Variants in KIF5B observed in about 807,000 individuals in gnomAD.
KIF5B encodes the protein kinesin family member 5B, also known as kinesin-1 heavy chain.
A neutral mutation model predicts 132.8 loss-of-function variants in KIF5B; 49 were observed. That is an observed-to-expected ratio of 0.37 (90% CI 0.29 to 0.47). The LOEUF (loss-of-function observed/expected upper bound fraction) is 0.47, where lower values mean the gene tolerates loss of function less well. Ranked by LOEUF, KIF5B falls within the 20% of genes least tolerant of loss-of-function variation. The probability of loss-of-function intolerance (pLI) is 1.00; values close to 1 mark genes in which losing one functional copy is unlikely to be tolerated. For missense variants in KIF5B, 780 were observed against 1,144.0 expected, an observed-to-expected ratio of 0.68 and a Z score of 4.59; for synonymous variants, 355 against 369.4, an observed-to-expected ratio of 0.96 and a Z score of 0.45.
rs1426389109 is a variant in KIF5B at position 32,018,308 on chromosome 10, T to C, written c.2439+8A>G. 5.3e-6 allele frequency: 8 copies of C among 1,502,728 alleles called. No individual in the cohort carries two copies. Among genetic ancestry groups the C allele is most frequent in the Non-Finnish European group, 8.9e-7 (1 of 1,127,134 alleles). The allele number at this position is 1,502,728 out of a possible 1,614,324, so 93.1% of individuals were successfully genotyped here. On this transcript the variant is annotated splice_region_variant and intron_variant, in intron 22 of 25. Transcript: ENST00000302418. ...ATGCAAACGCCTACCTCGGCATAGT[T>C]ACATTACCTTTTTAACTCTTGTAGC... is the stretch of plus-strand genomic sequence containing the variant.
chr10:32,047,003 A>G (rs1220011785), intron 2 of KIF5B, among the ~76,000 whole-genome samples: 2 of 152,212 alleles, frequency 1.3e-5, no homozygotes, highest in East Asian at 3.8e-4. Context: ...CACAAAGCCT[A>G]TTTTATAATA....
At chr10:32,049,505 G>C (rs1841660911) in intron 1 of KIF5B, among the ~76,000 whole-genome samples, 1 of 152,208 alleles carries the variant, frequency 6.6e-6, no homozygotes, top group Non-Finnish European at 1.5e-5. Context: ...GATACTTAAA[G>C]ATCCTAAGGC....
intron 2 of KIF5B, among the ~76,000 whole-genome samples, chr10:32,047,468 GGCCCTTAATACT>G (rs1841628601): frequency 6.6e-6 from 1 of 152,042 alleles, no homozygotes; most frequent in African/African-American, 2.4e-5. Flanking sequence ...ACCTTGAGTG[GGCCCTTAATACT>G]GCCTGGCAAT....
intron 16 of KIF5B, among the ~76,000 whole-genome samples, 168 bp from the exon 17 acceptor site, chr10:32,022,425 T>C (rs1176842903): frequency 3.3e-5 from 5 of 152,246 alleles, no homozygotes; most frequent in Admixed American, 6.5e-5. Context: ...AATTAATTCA[T>C]TGGTGATCAT....
chr10:32,055,952 T>C lies in KIF5B; in HGVS notation c.22A>G (p.Asn8Asp). Residue 8 changes from asparagine (N) to aspartate (D), a missense_variant, in exon 1 of 26, where the codon AAC becomes GAC. Coordinates refer to ENST00000302418, the MANE Select transcript of KIF5B (RefSeq NM_004521.3). The stretch of plus-strand genomic sequence containing the variant: ...CTGAAGCGACACATCACTTTGATGT[T>C]GCACTCGGCCAGGTCCGCCATCTTT... MADLAEC[N>D]IKVMCRFRPL... 6.2e-7 allele frequency: 1 copy of C among 1,609,184 alleles called. No individual in the cohort carries two copies. The highest frequency in any genetic ancestry group is 8.5e-7 in the Non-Finnish European group (1 of 1,179,864).
chr10:32,032,617 T>G, intron 13 of KIF5B, 89 bp downstream of exon 13: 1 of 1,012,796 alleles, frequency 9.9e-7, no homozygotes, highest in Non-Finnish European at 1.6e-6. Flanking sequence ...TACCCAAAAT[T>G]ATACAACTAT....
At chr10:32,022,046 T>C in intron 17 of KIF5B, 94 bp downstream of exon 17, 1 of 668,816 alleles carries the variant, frequency 1.5e-6, no homozygotes, top group South Asian at 2.0e-5. Flanking sequence ...ATCAGCCATA[T>C]TCCTACTATT....
At position 32,033,921 on chromosome 10, in the gene KIF5B, A is replaced by G. The variant is rs374297043; in HGVS notation, c.1229T>C (p.Ile410Thr). The change falls in exon 12 of 26, where the codon ATA (isoleucine) becomes ACA (threonine). Residue 410 changes from isoleucine (I) to threonine (T), a missense_variant. Physicochemically the swap from Ile to Thr is moderately conservative, Grantham distance 89. Coordinates refer to ENST00000302418, the MANE Select transcript of KIF5B (RefSeq NM_004521.3). ...NDKPATAIGV[I>T]GNFTDAERRK... The stretch of plus-strand genomic sequence containing the variant: ...TCTTTCAGCATCAGTAAAATTTCCT[A>G]TAACTCCAATTGCGGTTGCTGGTTT... 3.1e-5 allele frequency: 50 copies of G among 1,613,290 alleles called. No individual in the cohort carries two copies. The highest frequency in any genetic ancestry group is 1.3e-4 in the South Asian group (12 of 91,012).
At chr10:32,041,071 A>C in intron 2 of KIF5B, among the ~76,000 whole-genome samples, 1 of 149,098 alleles carries the variant, frequency 6.7e-6, no homozygotes, top group African/African-American at 2.5e-5. Context: ...GCCTGAGCCC[A>C]GGAGAAGGAG....
chr10:32,026,369 C>T (rs571047249), intron 15 of KIF5B, among the ~76,000 whole-genome samples: 1 of 129,974 alleles, frequency 7.7e-6, no homozygotes, highest in East Asian at 2.6e-4. Context: ...ACCCGGGAGG[C>T]GGAGCTTGCA....
At chr10:32,022,422 T>G (rs527343168) in intron 16 of KIF5B, among the ~76,000 whole-genome samples, 165 bp from the exon 17 acceptor site, 19 of 152,344 alleles carry the variant, frequency 1.2e-4, no homozygotes, top group African/African-American at 4.6e-4. Flanking sequence ...ATCAATTAAT[T>G]CATTGGTGAT....
In KIF5B at chr10:32,026,535, CT is replaced by C. The variant is rs11403552; in HGVS notation, c.1725+1892del. 1.6e-3 allele frequency among the ~76,000 whole-genome samples: 218 copies of C among 136,046 alleles called. 1 individual carries two copies. Among genetic ancestry groups the C allele is most frequent in the African/African-American group, 5.1e-3 (190 of 36,898 alleles). 89.3% of individuals were successfully genotyped at this position (136,046 alleles called of 152,430 possible). On this transcript the variant is annotated intron_variant, in intron 15 of 25. Transcript: ENST00000302418. ...GTTAATGACAAAAATACTGAGGATC[CT>C]TTTTTTTTTTTAATTAGAATAACTA...
intron 24 of KIF5B, 48 bp downstream of exon 24, chr10:32,017,095 A>G (rs760462698): frequency 3.5e-6 from 5 of 1,446,456 alleles, no homozygotes; most frequent in Non-Finnish European, 4.9e-6. Flanking sequence ...ACTAAATGAA[A>G]GCATTCAAAT....
chr10:32,050,960 T>G (rs951501315), intron 1 of KIF5B, among the ~76,000 whole-genome samples: 3 of 152,218 alleles, frequency 2.0e-5, no homozygotes, highest in African/African-American at 4.8e-5. Context: ...TAATTTTCCC[T>G]CATTTATCCA....
At chr10:32,032,829 T>C (rs1841418535) in intron 12 of KIF5B, 55 bp from the exon 13 acceptor site, 7 of 1,310,122 alleles carry the variant, frequency 5.3e-6, no homozygotes, top group Non-Finnish European at 7.8e-6. Flanking sequence ...TTCTAGTTGT[T>C]TCCCAATACA....
At chr10:32,043,599 G>A (rs1841571841) in intron 2 of KIF5B, among the ~76,000 whole-genome samples, 1 of 152,158 alleles carries the variant, frequency 6.6e-6, no homozygotes, top group Non-Finnish European at 1.5e-5. Flanking sequence ...CTGATGAGAT[G>A]CTTATCATAT....
chr10:32,024,042 CGTT>C (rs143105568), intron 15 of KIF5B, among the ~76,000 whole-genome samples: 26,929 of 105,562 alleles, frequency 0.26, 3,071 homozygotes, highest in Middle Eastern at 0.32. Flanking sequence ...CAAAAAATGA[CGTT>C]GAGAGTAAAA....
chr10:32,019,025 AAC>A (rs1841221754), intron 20 of KIF5B, among the ~76,000 whole-genome samples: 1 of 151,490 alleles, frequency 6.6e-6, no homozygotes, highest in Non-Finnish European at 1.5e-5. Flanking sequence ...ATGCCTTCTA[AAC>A]AACAGTCTAT....
Position 32,039,393 on chromosome 10 carries a change from TG to T in KIF5B, c.326del (p.Pro109GlnfsTer3). 1 of 1,533,144 alleles carries T rather than the reference TG, an allele frequency of 6.5e-7. No individual in the cohort carries two copies. The highest frequency in any genetic ancestry group is 8.9e-7 in the Non-Finnish European group (1 of 1,126,742). The allele number at this position is 1,533,144 out of a possible 1,614,324, so 95.0% of individuals were successfully genotyped here. ...LHDPEGMGII[P>X]RIVQDIFNYI... ...AATTAAAAATATCTTGCACTATTCT[TG>T]GAATAATTCCCATGCCTTCTGGATC... is the stretch of plus-strand genomic sequence containing the variant. On this transcript the variant is annotated frameshift_variant, in exon 4 of 26. Transcript: ENST00000302418. LOFTEE classifies it high-confidence loss of function.
Sources: allele counts gnomAD v4.1 joint callset (sites outside exome capture counted in the v4.1 genomes callset), GRCh38; gene constraint gnomAD v4.1.1; transcripts MANE v1.5; gene names NCBI Gene and HGNC (gene_info 2026-07-23, HGNC 2026-07-21).